The following NAALADL2 variants were observed in gnomAD, a reference collection of about 807,000 sequenced individuals.
NAALADL2 encodes the protein N-acetylated alpha-linked acidic dipeptidase like 2, also known as inactive N-acetylated-alpha-linked acidic dipeptidase-like protein 2.
In NAALADL2, 76 loss-of-function variants were observed where a neutral mutation model predicts 87.2. That is an observed-to-expected ratio of 0.87 (90% confidence interval 0.72 to 1.05). NAALADL2 has a LOEUF of 1.05. NAALADL2 is among the 50% of genes least tolerant of loss of function. The probability of loss-of-function intolerance (pLI) is 0.00; values close to 1 mark genes in which losing one functional copy is unlikely to be tolerated. For synonymous variants in NAALADL2, 354 were observed against 331.0 expected (o/e 1.07, Z -0.75); for missense variants, 1,089 against 945.8 (o/e 1.15, Z -1.99).
intron 3 of NAALADL2, among the ~76,000 whole-genome samples, chr3:174,742,706 A>G (rs982010068): frequency 4.0e-5 from 6 of 151,700 alleles, no homozygotes; most frequent in Admixed American, 2.0e-4. Context: ...CATGTGTGAG[A>G]AAAATATAAC....
intron 1 of NAALADL2, among the ~76,000 whole-genome samples, chr3:175,091,853 T>C (rs1376397327): frequency 3.5e-4 from 53 of 152,122 alleles, no homozygotes. Flanking sequence ...CCATAGCTAA[T>C]GATTAACAAG....
chr3:174,656,774 A>G (rs1724979767), intron 2 of NAALADL2, among the ~76,000 whole-genome samples: 1 of 152,218 alleles, frequency 6.6e-6, no homozygotes, highest in East Asian at 1.9e-4. Context: ...TTGTTATGGA[A>G]ATTTCCAAAC....
At chr3:175,424,668 G>A (rs756683061) in intron 5 of NAALADL2, among the ~76,000 whole-genome samples, 3 of 152,150 alleles carry the variant, frequency 2.0e-5, no homozygotes, top group Non-Finnish European at 4.4e-5. Flanking sequence ...CCAGTACCAT[G>A]GTGTTTTTGT....
intron 2 of NAALADL2, among the ~76,000 whole-genome samples, chr3:175,172,200 A>T (rs907610562): frequency 6.6e-6 from 1 of 152,146 alleles, no homozygotes. Flanking sequence ...CCATAAAAAG[A>T]TACATTGATA....
chr3:174,867,180 T>G (rs1380528360), intron 1 of NAALADL2, among the ~76,000 whole-genome samples: 1 of 151,976 alleles, frequency 6.6e-6, no homozygotes, highest in Non-Finnish European at 1.5e-5. Context: ...AAAGAACTAG[T>G]AAATTGGGTA....
intron 11 of NAALADL2, chr3:175,718,227 T>TTTTTTG: frequency 9.6e-7 from 1 of 1,037,674 alleles, no homozygotes; most frequent in Non-Finnish European, 1.4e-6. Context: ...TTTTTTTGAT[T>TTTTTTG]AGTTGCTGTA....
At chr3:175,445,756 GT>G (rs1560564348) in intron 5 of NAALADL2, among the ~76,000 whole-genome samples, 1 of 152,054 alleles carries the variant, frequency 6.6e-6, no homozygotes, top group Non-Finnish European at 1.5e-5. Flanking sequence ...GCTAATAATT[GT>G]CTCCCTTTAT....
At chr3:175,113,693 G>T (rs897283392) in intron 2 of NAALADL2, among the ~76,000 whole-genome samples, 1 of 151,532 alleles carries the variant, frequency 6.6e-6, no homozygotes, top group Non-Finnish European at 1.5e-5. Context: ...AAAGAGGCTA[G>T]TTGGACCCTG....
At chr3:175,138,887 A>AAT (rs58824117) in intron 2 of NAALADL2, among the ~76,000 whole-genome samples, 4,300 of 94,972 alleles carry the variant, frequency 0.045, 121 homozygotes, top group African/African-American at 0.061. Context: ...AGCCTTTTAA[A>AAT]ATATATATAT....
chr3:175,665,885 C>G (rs370680109), intron 11 of NAALADL2, among the ~76,000 whole-genome samples: 7 of 152,056 alleles, frequency 4.6e-5, no homozygotes, highest in Non-Finnish European at 1.0e-4. Context: ...GAGCCAAGAT[C>G]GCGCCACTGC....
At chr3:175,600,703 A>C (rs1722862952) in intron 10 of NAALADL2, among the ~76,000 whole-genome samples, 2 of 151,260 alleles carry the variant, frequency 1.3e-5, no homozygotes, top group Admixed American at 1.3e-4. Flanking sequence ...ACGCCCGGCT[A>C]ATTTTTTGTA....
At chr3:175,737,219 T>TA in intron 11 of NAALADL2, 87 bp from the exon 12 acceptor site, 1 of 804,268 alleles carries the variant, frequency 1.2e-6, no homozygotes. Context: ...TCTAGATGTA[T>TA]AAAAATATCT....
intron 2 of NAALADL2, among the ~76,000 whole-genome samples, chr3:174,650,727 T>C (rs74378580): frequency 0.034 from 5,104 of 152,086 alleles, 233 homozygotes; most frequent in African/African-American, 0.1. Context: ...AAAATTAGGA[T>C]GTAGAATATG....
At chr3:174,622,998 G>C (rs948483120) in intron 2 of NAALADL2, among the ~76,000 whole-genome samples, 1 of 152,152 alleles carries the variant, frequency 6.6e-6, no homozygotes, top group Non-Finnish European at 1.5e-5. Context: ...AGCCAAGATC[G>C]CGCCACTGCA....
chr3:175,612,681 CA>C lies in NAALADL2; in HGVS notation c.1801-14601del, dbSNP rs200567762. ...TCAAGAGGCTAACAGGCTCTGACCT[CA>C]AAAAAAAATGCTGTTGTTAAATTGA... On this transcript the variant is annotated intron_variant, in intron 10 of 13. Coordinates refer to ENST00000454872, the MANE Select transcript of NAALADL2 (RefSeq NM_207015.3). 2.7e-3 allele frequency among the ~76,000 whole-genome samples: 400 copies of C among 150,320 alleles called. 3 individuals are homozygous for C. Among genetic ancestry groups the C allele is most frequent in the African/African-American group, 9.4e-3 (384 of 41,062 alleles).
chr3:174,473,475 CTA>C (rs1472912395), intron 1 of NAALADL2, among the ~76,000 whole-genome samples: 3 of 152,158 alleles, frequency 2.0e-5, no homozygotes, highest in Admixed American at 6.6e-5. Context: ...CCTTATTTTT[CTA>C]TGTTAATGGA....
intron 1 of NAALADL2, among the ~76,000 whole-genome samples, chr3:174,448,780 A>G (rs1379037559): frequency 6.6e-6 from 1 of 152,152 alleles, no homozygotes; most frequent in Non-Finnish European, 1.5e-5. Flanking sequence ...GTCAGCAGGA[A>G]GCAGGTAGTC....
chr3:175,334,528 G>C (rs1344055846), intron 5 of NAALADL2, among the ~76,000 whole-genome samples: 1 of 151,974 alleles, frequency 6.6e-6, no homozygotes, highest in Admixed American at 6.6e-5. Flanking sequence ...TGTCTATTCT[G>C]TGTTTCTTTT....
At chr3:175,211,431 A>G (rs1741748712) in intron 2 of NAALADL2, among the ~76,000 whole-genome samples, 1 of 151,948 alleles carries the variant, frequency 6.6e-6, no homozygotes, top group Admixed American at 6.6e-5. Flanking sequence ...GACACTTCCT[A>G]TTGAAACTAG....
Sources: allele counts gnomAD v4.1 joint callset (sites outside exome capture counted in the v4.1 genomes callset), GRCh38; gene constraint gnomAD v4.1.1; transcripts MANE v1.5; gene names NCBI Gene and HGNC (gene_info 2026-07-23, HGNC 2026-07-21).